PIK3C2G: variants seen among roughly 807,000 people sequenced by gnomAD.
PIK3C2G encodes the protein phosphatidylinositol-4-phosphate 3-kinase catalytic subunit type 2 gamma.
Under a neutral mutation model 181.1 loss-of-function variants are expected in PIK3C2G, and 168 were observed. That is an observed-to-expected ratio of 0.93 (90% CI 0.82 to 1.05). The LOEUF (loss-of-function observed/expected upper bound fraction) is 1.05, where lower values mean the gene tolerates loss of function less well. Among genes scored for constraint, PIK3C2G ranks in the 50% least tolerant of loss-of-function variants. The probability of loss-of-function intolerance (pLI) is 0.00; values close to 1 mark genes in which losing one functional copy is unlikely to be tolerated. For missense variants in PIK3C2G, 1,869 were observed against 1,732.8 expected (o/e 1.08, Z -1.40); for synonymous variants, 573 against 592.2 (o/e 0.97, Z 0.47).
intron 18 of PIK3C2G, among the ~76,000 whole-genome samples, chr12:18,474,749 G>C (rs2135992083): frequency 6.6e-6 from 1 of 152,142 alleles, no homozygotes; most frequent in African/African-American, 2.4e-5. Flanking sequence ...CAGTATTATA[G>C]AATCCTTCTA....
chr12:18,701,446 T>G, the PIK3C2G span: 1 of 1,608,794 alleles, frequency 6.2e-7, no homozygotes, highest in Non-Finnish European at 8.5e-7. Context: ...TCTCCAAGAA[T>G]AAAATTAGAA....
chr12:18,298,925 A>G (rs1335271733), intron 5 of PIK3C2G, among the ~76,000 whole-genome samples: 7 of 151,774 alleles, frequency 4.6e-5, no homozygotes, highest in Non-Finnish European at 1.0e-4. Flanking sequence ...TTTTCATATC[A>G]ATATCATTTT....
At chr12:18,540,791 A>G (rs2136248769) in intron 25 of PIK3C2G, among the ~76,000 whole-genome samples, 1 of 152,036 alleles carries the variant, frequency 6.6e-6, no homozygotes, top group East Asian at 1.9e-4. Context: ...AGGCTCTCAC[A>G]GAAATTGAAA....
chr12:18,513,952 T>G (rs1942373318), intron 24 of PIK3C2G, among the ~76,000 whole-genome samples: 1 of 151,824 alleles, frequency 6.6e-6, no homozygotes, highest in Non-Finnish European at 1.5e-5. Context: ...ATTGCTTATT[T>G]GTGATTTTTC....
At chr12:18,497,143 G>A (rs1271919742) in intron 21 of PIK3C2G, among the ~76,000 whole-genome samples, 2 of 152,080 alleles carry the variant, frequency 1.3e-5, no homozygotes, top group African/African-American at 2.4e-5. Context: ...CTGATTTAAA[G>A]TCTAATCAAT....
At chr12:18,255,244 TAAATAAATAAAC>T (rs1315734047) in intron 1 of PIK3C2G, among the ~76,000 whole-genome samples, 8 of 147,322 alleles carry the variant, frequency 5.4e-5, no homozygotes, top group Non-Finnish European at 1.0e-4. Flanking sequence ...AATAAATAAA[TAAATAAATAAAC>T]AAACAAACAA....
At chr12:18,274,225 C>G (rs1416656941) in intron 1 of PIK3C2G, among the ~76,000 whole-genome samples, 1 of 152,110 alleles carries the variant, frequency 6.6e-6, no homozygotes, top group African/African-American at 2.4e-5. Flanking sequence ...CTAGTTCAAC[C>G]ATTGTGGAAG....
the PIK3C2G span, among the ~76,000 whole-genome samples, chr12:18,689,790 G>A: frequency 6.6e-6 from 1 of 152,160 alleles, no homozygotes; most frequent in Non-Finnish European, 1.5e-5. Context: ...GAAGAGTAAA[G>A]CAGCAATGTC....
rs540675201 is a variant in PIK3C2G, at chr12:18,367,648, G to A, written c.1749-3532G>A. ...CGGCTCACTGCAACCTCCGCCTCCC[G>A]GGTTCAAGCAGTTCTCCTGCCTCAG... is the stretch of plus-strand genomic sequence containing the variant. On this transcript the variant is annotated intron_variant, in intron 12 of 32. Transcript: ENST00000538779. Among the ~76,000 whole-genome samples the A allele has an allele frequency of 4.2e-3, 639 of 151,712 alleles. 2 individuals are homozygous for A. Among genetic ancestry groups the A allele is most frequent in the African/African-American group, 0.014 (579 of 41,362 alleles).
At chr12:18,436,188 A>T (rs1191685747) in intron 18 of PIK3C2G, among the ~76,000 whole-genome samples, 1 of 152,076 alleles carries the variant, frequency 6.6e-6, no homozygotes, top group East Asian at 1.9e-4. Context: ...TTACAAGAAG[A>T]TTGACACAAT....
intron 24 of PIK3C2G, among the ~76,000 whole-genome samples, chr12:18,520,076 T>A (rs910338230): frequency 3.3e-5 from 5 of 151,416 alleles, no homozygotes; most frequent in Non-Finnish European, 5.9e-5. Context: ...GGGTTTCTGC[T>A]GAGAGGCCTG....
At chr12:18,347,682 G>A (rs369524470) in intron 11 of PIK3C2G, among the ~76,000 whole-genome samples, 1 of 151,922 alleles carries the variant, frequency 6.6e-6, no homozygotes, top group East Asian at 1.9e-4. Flanking sequence ...ATGATGGCAC[G>A]TGCCTGTAAT....
At chr12:18,377,262 C>T (rs535908559) in intron 13 of PIK3C2G, among the ~76,000 whole-genome samples, 64 of 152,132 alleles carry the variant, frequency 4.2e-4, no homozygotes, top group Non-Finnish European at 7.8e-4. Context: ...AGAGGGTAAA[C>T]CAGCCCATCT....
At chr12:18,361,973 CT>C (rs879572087) in intron 11 of PIK3C2G, among the ~76,000 whole-genome samples, 83 of 146,362 alleles carry the variant, frequency 5.7e-4, no homozygotes, top group Middle Eastern at 7.1e-3. Context: ...AGCCACCCAA[CT>C]TTTTTTTTTT....
At chr12:18,485,526 C>T (rs1939939260) in intron 18 of PIK3C2G, among the ~76,000 whole-genome samples, 1 of 152,164 alleles carries the variant, frequency 6.6e-6, no homozygotes, top group African/African-American at 2.4e-5. Context: ...CTTCTTTAAT[C>T]ATCTAGATTT....
intron 18 of PIK3C2G, 105 bp downstream of exon 18, chr12:18,424,144 A>C: frequency 1.5e-6 from 1 of 655,742 alleles, no homozygotes; most frequent in East Asian, 2.8e-5. Flanking sequence ...ATTGATACAG[A>C]CCATAAAATT....
At chr12:18,373,843 A>G (rs1396087157) in intron 13 of PIK3C2G, among the ~76,000 whole-genome samples, 9 of 150,878 alleles carry the variant, frequency 6.0e-5, no homozygotes, top group Non-Finnish European at 8.8e-5. Context: ...ACAGAGCGAG[A>G]CTCCGTCTAA....
chr12:18,622,831 T>C (rs1292052605), intron 31 of PIK3C2G, among the ~76,000 whole-genome samples: 1 of 151,940 alleles, frequency 6.6e-6, no homozygotes, highest in Non-Finnish European at 1.5e-5. Context: ...CATGTATCTG[T>C]TAGCCATTCA....
intron 31 of PIK3C2G, among the ~76,000 whole-genome samples, chr12:18,614,950 TA>T (rs1948524339): frequency 6.6e-6 from 1 of 152,080 alleles, no homozygotes. Flanking sequence ...AACTTCTCTA[TA>T]ATTACTTTTC....
Sources: gnomAD v4.1 joint callset for allele counts (sites outside exome capture counted in the v4.1 genomes callset) on GRCh38, gnomAD v4.1.1 for gene constraint, MANE v1.5 for transcripts, NCBI Gene and HGNC (gene_info 2026-07-23, HGNC 2026-07-21) for gene names.